The following MICAL2 variants were observed in gnomAD, a reference collection of about 807,000 sequenced individuals.
The protein encoded by MICAL2 is microtubule associated monooxygenase, calponin and LIM domain containing 2, also known as [F-actin]-monooxygenase MICAL2.
In MICAL2, 77 loss-of-function variants were observed where a neutral mutation model predicts 127.3. The observed-to-expected ratio is 0.60, with a 90% CI of 0.50 to 0.73. The LOEUF is 0.73. MICAL2 is among the 30% of genes least tolerant of loss of function. The pLI is 0.00. For synonymous variants in MICAL2, 570 were observed against 551.1 expected, an observed-to-expected ratio of 1.03 and a Z score of -0.48; for missense variants, 1,351 against 1,434.4, an observed-to-expected ratio of 0.94 and a Z score of 0.94.
intron 15 of MICAL2, among the ~76,000 whole-genome samples, chr11:12,233,042 C>G (rs1045806032): frequency 3.3e-5 from 5 of 152,110 alleles, no homozygotes; most frequent in African/African-American, 1.2e-4. Flanking sequence ...TCTCAGTTAC[C>G]AGATCAAAAA....
chr11:12,233,250 C>T (rs1465947058), intron 15 of MICAL2, among the ~76,000 whole-genome samples: 3 of 152,178 alleles, frequency 2.0e-5, no homozygotes, highest in African/African-American at 7.2e-5. Flanking sequence ...GTTAAGGAAA[C>T]TGAAGTCAAA....
At chr11:12,318,638 G>A (rs921760245) in intron 29 of MICAL2, among the ~76,000 whole-genome samples, 4 of 152,154 alleles carry the variant, frequency 2.6e-5, no homozygotes, top group Non-Finnish European at 5.9e-5. Flanking sequence ...TCAGACATAA[G>A]CAGCCACAGC....
rs57602704 is a variant in MICAL2, at chr11:12,348,153, CAA to C, written c.5516-1665_5516-1664del. ...TGGGCAACAGAGAAAGACTCTGTCT[CAA>C]AAAAAAAAAAAAAAAAAAAGGCATA... On this transcript the variant is annotated intron_variant, in intron 32 of 34. Transcript: ENST00000646065. Among the ~76,000 whole-genome samples, 168 of 79,128 alleles carry C rather than the reference CAA, an allele frequency of 2.1e-3. 1 individual carries two copies. The highest frequency in any genetic ancestry group is 7.4e-3 in the African/African-American group (152 of 20,416). 51.9% of individuals were successfully genotyped at this position (79,128 alleles called of 152,430 possible).
chr11:12,358,968 C>T (rs1394441647), downstream of MICAL2: 1 of 152,852 alleles, frequency 6.5e-6, no homozygotes, highest in Non-Finnish European at 1.5e-5. Context: ...AATTGTGTTT[C>T]CAGAGAAAGA....
chr11:12,340,030 A>T (rs541857894), intron 32 of MICAL2, among the ~76,000 whole-genome samples: 1 of 152,242 alleles, frequency 6.6e-6, no homozygotes, highest in Non-Finnish European at 1.5e-5. Flanking sequence ...GGAGCTATAG[A>T]CTGGAGCTGT....
At chr11:12,342,990 C>G (rs982205949) in intron 32 of MICAL2, among the ~76,000 whole-genome samples, 16 of 152,106 alleles carry the variant, frequency 1.1e-4, no homozygotes, top group African/African-American at 3.9e-4. Flanking sequence ...GAGAGCAAGG[C>G]AAGGTTGAAC....
intron 1 of MICAL2, among the ~76,000 whole-genome samples, chr11:12,119,335 T>C (rs1282060760): frequency 6.6e-6 from 1 of 152,218 alleles, no homozygotes; most frequent in East Asian, 1.9e-4. Flanking sequence ...AGATCTTTAA[T>C]TGGCATGGCT....
At chr11:12,186,536 T>C (rs116877303) in intron 3 of MICAL2, among the ~76,000 whole-genome samples, 2,003 of 152,306 alleles carry the variant, frequency 0.013, 13 homozygotes, top group Middle Eastern at 0.024. Context: ...CTAGACAATT[T>C]TTAAAAAAAG....
chr11:12,127,047 C>T (rs1303425230), intron 1 of MICAL2, among the ~76,000 whole-genome samples: 3 of 152,106 alleles, frequency 2.0e-5, no homozygotes, highest in East Asian at 1.9e-4. Context: ...TGAGGCTAGG[C>T]AGGTGAGTTT....
intron 15 of MICAL2, among the ~76,000 whole-genome samples, chr11:12,231,076 G>A (rs768676630): frequency 2.8e-4 from 42 of 152,182 alleles, no homozygotes; most frequent in African/African-American, 6.0e-4. Context: ...TAACCAGGGC[G>A]TCTATCATGC....
intron 32 of MICAL2, among the ~76,000 whole-genome samples, chr11:12,332,034 T>C (rs1938642288): frequency 6.6e-6 from 1 of 152,192 alleles, no homozygotes. Context: ...AGGATCTCAA[T>C]GAGGACTCAT....
In MICAL2 at chr11:12,221,674, C is replaced by T; in HGVS notation, c.1237C>T (p.Arg413Cys). The T allele has an allele frequency of 1.2e-6, 2 of 1,613,786 alleles. No homozygotes were observed. The highest frequency in any genetic ancestry group is 1.7e-4 in the Middle Eastern group (1 of 6,056). Residue 413 changes from arginine to cysteine, a missense_variant, in exon 10 of 28, where the codon CGT becomes TGT. Physicochemically the swap from Arg to Cys is radical, Grantham distance 180 (BLOSUM62 -3). Coordinates refer to ENST00000683283, the MANE Select transcript of MICAL2 (RefSeq NM_001282663.2). ...PFWPMGTGCA[R>C]GFLAAFDTAW... ...TTGGCCCATGGGTACAGGCTGTGCC[C>T]GTGGCTTCCTGGCAGCCTTTGACAC...
chr11:12,311,681 C>T (rs913292795), intron 29 of MICAL2, among the ~76,000 whole-genome samples: 5 of 152,244 alleles, frequency 3.3e-5, no homozygotes, highest in African/African-American at 1.2e-4. Context: ...GCTGGGATTA[C>T]AGGTGTGAGG....
At chr11:12,165,730 G>A (rs955943184) in intron 3 of MICAL2, among the ~76,000 whole-genome samples, 6 of 152,238 alleles carry the variant, frequency 3.9e-5, no homozygotes, top group Non-Finnish European at 8.8e-5. Context: ...ACACACGTGC[G>A]TGTGACAGTG....
chr11:12,162,486 G>A, intron 3 of MICAL2, 67 bp downstream of exon 3: 1 of 1,579,852 alleles, frequency 6.3e-7, no homozygotes, highest in Non-Finnish European at 8.6e-7. Context: ...AGGTTAGGAA[G>A]CTGTTGCCAT....
At chr11:12,356,961 A>G (rs542076169) in intron 34 of MICAL2, among the ~76,000 whole-genome samples, 174 of 152,332 alleles carry the variant, frequency 1.1e-3, no homozygotes, top group African/African-American at 3.9e-3. Flanking sequence ...CCATCCACCA[A>G]TGAGATATGA....
chr11:12,317,631 A>G (rs1864245717), intron 29 of MICAL2, among the ~76,000 whole-genome samples: 1 of 152,170 alleles, frequency 6.6e-6, no homozygotes, highest in Non-Finnish European at 1.5e-5. Flanking sequence ...ATCTCTGTTA[A>G]AAATACAAAA....
chr11:12,255,454 A>G, intron 22 of MICAL2, 189 bp from the exon 23 acceptor site: 1 of 589,228 alleles, frequency 1.7e-6, no homozygotes, highest in Non-Finnish European at 3.0e-6. Context: ...GGTTTTATTT[A>G]TTTTCTTTTC....
chr11:12,243,640 TCTC>T (rs1860283459), intron 20 of MICAL2, among the ~76,000 whole-genome samples: 1 of 152,242 alleles, frequency 6.6e-6, no homozygotes, highest in Non-Finnish European at 1.5e-5. Context: ...AGCCCAGGGT[TCTC>T]CTCTCCTAAG....
Sources: allele counts gnomAD v4.1 joint callset (sites outside exome capture counted in the v4.1 genomes callset), GRCh38; gene constraint gnomAD v4.1.1; transcripts MANE v1.5; gene names NCBI Gene and HGNC (gene_info 2026-07-23, HGNC 2026-07-21).